Variants in ADGRL3 observed in about 807,000 individuals in gnomAD.
ADGRL3 encodes adhesion G protein-coupled receptor L3, also known as calcium-independent alpha-latrotoxin receptor 3.
Under a neutral mutation model 153.5 loss-of-function variants are expected in ADGRL3, and 62 were observed. The ratio of observed to expected loss-of-function variants is 0.40; its 90% CI spans 0.33 to 0.50. The LOEUF (loss-of-function observed/expected upper bound fraction) is 0.50. Among genes scored for constraint, ADGRL3 ranks in the 20% least tolerant of loss-of-function variants. The probability of loss-of-function intolerance (pLI) is 0.47; values close to 1 mark genes in which losing one functional copy is unlikely to be tolerated. For synonymous variants in ADGRL3, 710 were observed against 672.5 expected (o/e 1.06, Z -0.86); for missense variants, 1,641 against 1,859.4 (o/e 0.88, Z 2.16).
At chr4:61,792,896 C>T (rs755972208) in intron 8 of ADGRL3, among the ~76,000 whole-genome samples, 22 of 151,824 alleles carry the variant, frequency 1.4e-4, no homozygotes, top group Non-Finnish European at 2.9e-4. Flanking sequence ...TTTTCAGTAA[C>T]GGTCCACTCT....
In ADGRL3 at chr4:61,983,622, T is replaced by C; in HGVS notation, c.3236+19T>C. The stretch of plus-strand genomic sequence containing the variant: ...ATAAAGTGTAAGTTTATTGTTTTCT[T>C]TCTTTTTAAATCTAGGTGAAATAAA... On this transcript the variant is annotated intron_variant, in intron 19 of 26. Transcript: ENST00000683033. 6.2e-7 allele frequency: 1 copy of C among 1,603,250 alleles called. No homozygotes were observed. The highest frequency in any genetic ancestry group is 8.5e-7 in the Non-Finnish European group (1 of 1,172,184).
At chr4:62,022,598 T>A (rs1178657463) in intron 21 of ADGRL3, among the ~76,000 whole-genome samples, 1 of 152,108 alleles carries the variant, frequency 6.6e-6, no homozygotes, top group East Asian at 1.9e-4. Flanking sequence ...CTGACTCTCT[T>A]GTTAGGAGAT....
Position 61,604,119 on chromosome 4 carries a change from C to A in ADGRL3, c.473+16679C>A, listed in dbSNP as rs1251541831. On this transcript the variant is annotated intron_variant, in intron 5 of 26. Transcript: ENST00000683033. Reference sequence around the variant, plus strand: ...GTGGTCTGGGAAACGAATACTGAAGCCCTGGGCTGTTCTAGGTTAAAAGGC... The same window carrying A: ...GTGGTCTGGGAAACGAATACTGAAGACCTGGGCTGTTCTAGGTTAAAAGGC... Among the ~76,000 whole-genome samples the A allele has an allele frequency of 3.9e-5, 6 of 151,990 alleles. No homozygotes were observed. In the South Asian group the frequency reaches 1.0e-3, roughly 26 times the overall value.
chr4:61,719,425 C>T lies in ADGRL3; in HGVS notation c.584-11197C>T, dbSNP rs559598166. ...GGTCACTGAAGAATGAAAGAAGAAACAGGAGGAACCACATGAGAAAAACTG... is the reference window on the plus strand; with the variant it reads ...GGTCACTGAAGAATGAAAGAAGAAATAGGAGGAACCACATGAGAAAAACTG... On this transcript the variant is annotated intron_variant, in intron 6 of 26. Transcript: ENST00000683033. Among the ~76,000 whole-genome samples the T allele has an allele frequency of 4.6e-5, 7 of 152,174 alleles. No individual in the cohort carries two copies. In the South Asian group the frequency reaches 1.5e-3, roughly 32 times the overall value.
intron 8 of ADGRL3, among the ~76,000 whole-genome samples, chr4:61,773,759 GT>G (rs1224225627): frequency 6.6e-6 from 1 of 152,128 alleles, no homozygotes; most frequent in Non-Finnish European, 1.5e-5. Context: ...TTATTAAGGA[GT>G]TCTTCATGGA....
chr4:61,756,909 T>C (rs1580662460), intron 8 of ADGRL3, among the ~76,000 whole-genome samples: 1 of 152,242 alleles, frequency 6.6e-6, no homozygotes, highest in Non-Finnish European at 1.5e-5. Context: ...TCTGTTTATA[T>C]GCTGGATTAC....
chr4:61,965,415 A>T lies in ADGRL3; in HGVS notation c.2806-14148A>T, dbSNP rs1414702205. On this transcript the variant is annotated intron_variant, in intron 17 of 26. Coordinates refer to ENST00000683033, the MANE Select transcript of ADGRL3 (RefSeq NM_001387552.1). ...CCAGAATAGTTATTTATATAGCTTT[A>T]TAAGATAGACAATAATGACAAATTG... is the stretch of plus-strand genomic sequence containing the variant. Among the ~76,000 whole-genome samples, 6 of 152,302 alleles carry T rather than the reference A, an allele frequency of 3.9e-5. No individual in the cohort carries two copies. The East Asian group carries it at 1.2e-3, about 29-fold the overall frequency.
intron 15 of ADGRL3, among the ~76,000 whole-genome samples, chr4:61,939,242 G>A (rs1052407447): frequency 6.6e-6 from 1 of 152,090 alleles, no homozygotes; most frequent in East Asian, 1.9e-4. Context: ...CATTGCAATT[G>A]AGAAATAATT....
intron 19 of ADGRL3, among the ~76,000 whole-genome samples, chr4:61,995,327 A>T (rs1343338141): frequency 6.6e-6 from 1 of 151,852 alleles, no homozygotes; most frequent in East Asian, 1.9e-4. Context: ...TTTGATAGGC[A>T]TTTCTAATTT....
At chr4:61,853,692 A>G (rs1306394575) in intron 9 of ADGRL3, among the ~76,000 whole-genome samples, 1 of 152,198 alleles carries the variant, frequency 6.6e-6, no homozygotes, top group Non-Finnish European at 1.5e-5. Context: ...GCTACCTTCT[A>G]AAGCTGTTTC....
chr4:62,034,051 G>C (rs1723635140), intron 23 of ADGRL3, among the ~76,000 whole-genome samples: 2 of 151,734 alleles, frequency 1.3e-5, no homozygotes, highest in Non-Finnish European at 3.0e-5. Flanking sequence ...CCCAGGTAGA[G>C]ATTTTACATC....
intron 1 of ADGRL3, among the ~76,000 whole-genome samples, chr4:61,209,390 A>G (rs1242130542): frequency 6.6e-6 from 1 of 152,128 alleles, no homozygotes; most frequent in East Asian, 1.9e-4. Flanking sequence ...GTAAATATAA[A>G]AGTACCTGGT....
At chr4:61,794,193 A>G (rs2097378328) in intron 8 of ADGRL3, among the ~76,000 whole-genome samples, 2 of 152,314 alleles carry the variant, frequency 1.3e-5, no homozygotes, top group South Asian at 2.1e-4. Flanking sequence ...AGTTTCATTG[A>G]TAATATTCAA....
intron 19 of ADGRL3, among the ~76,000 whole-genome samples, chr4:61,983,983 G>A (rs143723851): frequency 2.0e-5 from 3 of 152,248 alleles, no homozygotes; most frequent in East Asian, 3.9e-4. Flanking sequence ...TGCCAAGTCC[G>A]TTCAAGTCAC....
rs898067549 is a variant in ADGRL3, at chr4:61,402,796, C to T, written c.-174+19607C>T. ...TTAATAAAAATGAATTGGGGAGGTG[C>T]GTTTCCATCATATTTCATTCATTCA... On this transcript the variant is annotated intron_variant, in intron 2 of 26. Transcript: ENST00000683033. 3.9e-5 allele frequency among the ~76,000 whole-genome samples: 6 copies of T among 152,030 alleles called. No homozygotes were observed. The East Asian group carries it at 5.8e-4, about 15-fold the overall frequency.
chr4:61,997,191 A>G (rs1484210598), intron 20 of ADGRL3, among the ~76,000 whole-genome samples: 2 of 151,936 alleles, frequency 1.3e-5, no homozygotes, highest in African/African-American at 4.8e-5. Context: ...CACATCAACA[A>G]ATACTCACAG....
At chr4:61,762,442 C>T (rs770129677) in intron 8 of ADGRL3, among the ~76,000 whole-genome samples, 1 of 151,968 alleles carries the variant, frequency 6.6e-6, no homozygotes, top group Middle Eastern at 3.2e-3. Flanking sequence ...TCTGGGAAAT[C>T]ACAAAGTTAG....
At chr4:61,444,264 C>G (rs1271854344) in intron 2 of ADGRL3, among the ~76,000 whole-genome samples, 1 of 152,158 alleles carries the variant, frequency 6.6e-6, no homozygotes, top group Non-Finnish European at 1.5e-5. Flanking sequence ...TGTTCATAGG[C>G]TTTTGGTGCA....
At chr4:61,665,547 A>C (rs1048182892) in intron 5 of ADGRL3, among the ~76,000 whole-genome samples, 16 of 152,224 alleles carry the variant, frequency 1.1e-4, no homozygotes, top group African/African-American at 3.4e-4. Context: ...AGAAAAATCC[A>C]AGAGAATTTC....
Sources: gnomAD v4.1 joint callset for allele counts (sites outside exome capture counted in the v4.1 genomes callset) on GRCh38, gnomAD v4.1.1 for gene constraint, MANE v1.5 for transcripts, NCBI Gene and HGNC (gene_info 2026-07-23, HGNC 2026-07-21) for gene names.